The following DTNBP1 variants were observed in gnomAD, a reference collection of about 807,000 sequenced individuals.
DTNBP1 encodes dysbindin.
DTNBP1 carries 35 observed loss-of-function variants against 42.8 expected under a neutral mutation model. That is an observed-to-expected ratio of 0.82 (90% CI 0.63 to 1.09). The LOEUF is 1.09. Among genes scored for constraint, DTNBP1 ranks in the 50% least tolerant of loss-of-function variants. The pLI, the probability that DTNBP1 is intolerant of heterozygous loss-of-function variation, is 0.00. For missense variants in DTNBP1, 457 were observed against 424.2 expected (o/e 1.08, Z -0.68); for synonymous variants, 171 against 162.2 (o/e 1.05, Z -0.41).
chr6:15,593,457 A>C (rs749538678), intron 6 of DTNBP1, among the ~76,000 whole-genome samples: 2 of 152,246 alleles, frequency 1.3e-5, no homozygotes, highest in African/African-American at 2.4e-5. Context: ...TCCTTGATGG[A>C]TAAATATTCA....
At chr6:15,640,933 C>A (rs888102593) in intron 3 of DTNBP1, among the ~76,000 whole-genome samples, 1 of 152,158 alleles carries the variant, frequency 6.6e-6, no homozygotes, top group Non-Finnish European at 1.5e-5. Flanking sequence ...TTGTACACGG[C>A]TTATGAAAGT....
At chr6:15,530,349 G>A (rs1372552827) in intron 8 of DTNBP1, among the ~76,000 whole-genome samples, 2 of 152,080 alleles carry the variant, frequency 1.3e-5, no homozygotes, top group Admixed American at 6.6e-5. Flanking sequence ...AAAAGCCCAG[G>A]GCCGCCAATT....
chr6:15,540,835 G>T (rs1274364676), intron 7 of DTNBP1, among the ~76,000 whole-genome samples: 1 of 152,052 alleles, frequency 6.6e-6, no homozygotes, highest in East Asian at 1.9e-4. Flanking sequence ...GTAGAGACAG[G>T]GTTTCACCAT....
chr6:15,615,134 G>A, intron 6 of DTNBP1, 133 bp downstream of exon 6: 1 of 1,420,758 alleles, frequency 7.0e-7, no homozygotes, highest in South Asian at 1.2e-5. Context: ...AAAAAGTTTT[G>A]GAAAGCTTAT....
chr6:15,599,636 G>A (rs760112681), intron 6 of DTNBP1, among the ~76,000 whole-genome samples: 6 of 152,094 alleles, frequency 3.9e-5, no homozygotes, highest in Admixed American at 3.3e-4. Flanking sequence ...AAAAACTAAC[G>A]TTGAAAGCCA....
At chr6:15,637,039 T>G (rs141132633) in intron 4 of DTNBP1, among the ~76,000 whole-genome samples, 10 of 152,348 alleles carry the variant, frequency 6.6e-5, no homozygotes, top group Non-Finnish European at 1.5e-4. Context: ...AGTGTCTACA[T>G]TTCATCATAT....
intron 7 of DTNBP1, among the ~76,000 whole-genome samples, chr6:15,555,338 T>A (rs576997875): frequency 7.2e-4 from 109 of 152,192 alleles, no homozygotes; most frequent in African/African-American, 2.6e-3. Context: ...CCGTCTTGAA[T>A]AGAGGCTGGG....
chr6:15,524,391 T>C, intron 9 of DTNBP1, 135 bp downstream of exon 9: 7 of 1,614,024 alleles, frequency 4.3e-6, no homozygotes, highest in South Asian at 1.1e-5. Context: ...ACCGTGGGGT[T>C]AGGGAGCCAG....
chr6:15,567,443 A>G (rs949942420), intron 7 of DTNBP1, among the ~76,000 whole-genome samples: 1 of 146,132 alleles, frequency 6.8e-6, no homozygotes, highest in Non-Finnish European at 1.5e-5. Flanking sequence ...ACACAGCCAG[A>G]TTCTGTCTCT....
At chr6:15,623,383 A>T (rs1237852328) in intron 5 of DTNBP1, among the ~76,000 whole-genome samples, 1 of 152,164 alleles carries the variant, frequency 6.6e-6, no homozygotes, top group East Asian at 1.9e-4. Flanking sequence ...TTCTTATCTA[A>T]GAGTTAACAG....
At chr6:15,631,148 T>C (rs1266626176) in intron 4 of DTNBP1, among the ~76,000 whole-genome samples, 2 of 152,092 alleles carry the variant, frequency 1.3e-5, no homozygotes, top group African/African-American at 2.4e-5. Context: ...CAAAATAAAT[T>C]TACAAAATGA....
At chr6:15,633,595 G>A (rs1759818786) in intron 4 of DTNBP1, among the ~76,000 whole-genome samples, 1 of 152,200 alleles carries the variant, frequency 6.6e-6, no homozygotes, top group Non-Finnish European at 1.5e-5. Flanking sequence ...TGGATGAGGA[G>A]TTGATTGACT....
intron 8 of DTNBP1, among the ~76,000 whole-genome samples, chr6:15,528,214 G>A (rs1772551963): frequency 6.6e-6 from 1 of 152,204 alleles, no homozygotes; most frequent in Non-Finnish European, 1.5e-5. Flanking sequence ...TGCAGAGCAG[G>A]TCAGGAATGG....
intron 7 of DTNBP1, among the ~76,000 whole-genome samples, chr6:15,546,650 C>T (rs753671374): frequency 3.3e-5 from 5 of 152,088 alleles, no homozygotes; most frequent in Non-Finnish European, 4.4e-5. Context: ...GTAAGAAATG[C>T]ACTTAATCAT....
chr6:15,565,890 C>T (rs1281291419), intron 7 of DTNBP1, among the ~76,000 whole-genome samples: 3 of 152,168 alleles, frequency 2.0e-5, no homozygotes, highest in African/African-American at 4.8e-5. Flanking sequence ...CCATGTAGTT[C>T]GTGTTAGCAC....
chr6:15,636,429 G>A (rs1760025919), intron 4 of DTNBP1, among the ~76,000 whole-genome samples: 1 of 152,106 alleles, frequency 6.6e-6, no homozygotes, highest in South Asian at 2.1e-4. Flanking sequence ...GGGATTACAG[G>A]TGTGAGCCAC....
chr6:15,570,365 A>G (rs1043504688), intron 7 of DTNBP1, among the ~76,000 whole-genome samples: 2 of 152,194 alleles, frequency 1.3e-5, no homozygotes, highest in Admixed American at 1.3e-4. Flanking sequence ...TCAATTTAAT[A>G]CACAGCCAAG....
rs376768843 is a variant in DTNBP1 at position 15,657,917 on chromosome 6, G to T, written c.56+4897C>A. 2.3e-4 allele frequency among the ~76,000 whole-genome samples: 35 copies of T among 152,244 alleles called. No homozygotes were observed. The South Asian group carries it at 6.6e-3, about 29-fold the overall frequency. The stretch of plus-strand genomic sequence containing the variant: ...ATCGCAATTTCTCCTCATTATTCAA[G>T]GCCTAGTTTTAGAAACCCCTTCCTC... On this transcript the variant is annotated intron_variant, in intron 1 of 9. Coordinates refer to ENST00000344537, the MANE Select transcript of DTNBP1 (RefSeq NM_032122.5).
chr6:15,644,421 A>G (rs1019883109), intron 3 of DTNBP1, among the ~76,000 whole-genome samples: 6 of 152,254 alleles, frequency 3.9e-5, no homozygotes, highest in Middle Eastern at 3.4e-3. Context: ...TAGACTCTCA[A>G]CCTAATGGAC....
Sources: gnomAD v4.1 joint callset for allele counts (sites outside exome capture counted in the v4.1 genomes callset) on GRCh38, gnomAD v4.1.1 for gene constraint, MANE v1.5 for transcripts, NCBI Gene and HGNC (gene_info 2026-07-23, HGNC 2026-07-21) for gene names.